The following HIBCH variants were observed in gnomAD, a reference collection of about 807,000 sequenced individuals.
HIBCH encodes 3-hydroxyisobutyryl-CoA hydrolase, mitochondrial.
In HIBCH, 50 loss-of-function variants were observed where a neutral mutation model predicts 58.2. That is an observed-to-expected ratio of 0.86 (90% CI 0.68 to 1.09). HIBCH has a LOEUF of 1.09. Ranked by LOEUF, HIBCH falls within the 50% of genes least tolerant of loss-of-function variation. The probability of loss-of-function intolerance (pLI) is 0.00; values close to 1 mark genes in which losing one functional copy is unlikely to be tolerated. For missense variants in HIBCH, 450 were observed against 449.7 expected, an observed-to-expected ratio of 1.00 and a Z score of -0.01; for synonymous variants, 151 against 146.9, an observed-to-expected ratio of 1.03 and a Z score of -0.20.
intron 3 of HIBCH, among the ~76,000 whole-genome samples, chr2:190,296,172 G>A (rs777659098): frequency 1.3e-5 from 2 of 152,088 alleles, no homozygotes; most frequent in Non-Finnish European, 2.9e-5. Context: ...TGTAATCCCA[G>A]CACTTTGGGA....
At chr2:190,219,063 C>T (rs1316138412) in intron 11 of HIBCH, among the ~76,000 whole-genome samples, 4 of 152,194 alleles carry the variant, frequency 2.6e-5, no homozygotes. Context: ...TGTTACCGTC[C>T]AACTGGACTG....
chr2:190,243,770 C>G lies in HIBCH; in HGVS notation c.891+1117G>C, dbSNP rs1227835673. Among the ~76,000 whole-genome samples, 6 of 152,074 alleles carry G rather than the reference C, an allele frequency of 3.9e-5. No individual in the cohort carries two copies. Among genetic ancestry groups the G allele is most frequent in the African/African-American group, 1.4e-4 (6 of 41,404 alleles). ...ATCACTTGAGCCTAGGAGGTCGAGA[C>G]CAGTCTGGCCAACATGGTGAAACCT... On this transcript the variant is annotated intron_variant, in intron 11 of 13. Coordinates refer to ENST00000359678, the MANE Select transcript of HIBCH (RefSeq NM_014362.4). The surrounding 1 kb of genome is among the most constrained non-coding windows in gnomAD (Gnocchi z 4.1).
chr2:190,267,398 T>C (rs1453593429), intron 6 of HIBCH, among the ~76,000 whole-genome samples: 3 of 152,238 alleles, frequency 2.0e-5, no homozygotes, highest in East Asian at 1.9e-4. Flanking sequence ...AGTTTCACCA[T>C]GTTGGTCAGG....
rs573255275 is a variant in HIBCH, at chr2:190,232,796, A to G, written c.891+12091T>C. 3.6e-3 allele frequency among the ~76,000 whole-genome samples: 549 copies of G among 152,120 alleles called. 2 individuals are homozygous for G. The highest frequency in any genetic ancestry group is 0.012 in the African/African-American group (511 of 41,470). ...ACATGGTGAAAACCCATCTCTACTA[A>G]AAGTACAAAAAATTAGCCAGGTGTG... On this transcript the variant is annotated intron_variant, in intron 11 of 13. Transcript: ENST00000359678.
At chr2:190,297,104 T>A in intron 2 of HIBCH, 151 bp from the exon 3 acceptor site, 1 of 731,600 alleles carries the variant, frequency 1.4e-6, no homozygotes, top group East Asian at 2.7e-5. Flanking sequence ...TCTGAAGTTA[T>A]TTAGATTATG....
rs1686918586 is a variant in HIBCH, at chr2:190,256,240, T to A, written c.518-3933A>T. Among the ~76,000 whole-genome samples, 2 of 151,918 alleles carry A rather than the reference T, an allele frequency of 1.3e-5. 1 individual carries two copies. The highest frequency in any genetic ancestry group is 4.8e-5 in the African/African-American group (2 of 41,338). ...CACAACGCCTAACCATATCACTACA[T>A]GAGACTAAGGAAAGAATCACAGAAA... is the stretch of plus-strand genomic sequence containing the variant. On this transcript the variant is annotated intron_variant, in intron 7 of 13. Transcript: ENST00000359678.
chr2:190,264,898 G>A lies in HIBCH; in HGVS notation c.439-3664C>T, dbSNP rs111781617. Among the ~76,000 whole-genome samples, 883 of 151,992 alleles carry A rather than the reference G, an allele frequency of 5.8e-3. 10 individuals are homozygous for A. Among genetic ancestry groups the A allele is most frequent in the African/African-American group, 0.02 (842 of 41,458 alleles). ...AGCACTTTGGGAGGCCGAGGTGGGC[G>A]GGTCACCTGAGATCAGGAGTTCGAG... On this transcript the variant is annotated intron_variant, in intron 6 of 13. Transcript: ENST00000359678.
intron 11 of HIBCH, among the ~76,000 whole-genome samples, chr2:190,222,270 G>T (rs1007375848): frequency 6.6e-6 from 1 of 152,194 alleles, no homozygotes; most frequent in African/African-American, 2.4e-5. Flanking sequence ...AGCAAATGGA[G>T]TCTGTCCCTG....
chr2:190,192,222 A>G (rs545149097), intron 1 of HIBCH, among the ~76,000 whole-genome samples: 2 of 151,972 alleles, frequency 1.3e-5, no homozygotes, highest in South Asian at 2.1e-4. Context: ...TCCTTTTTGC[A>G]TTCATTGTTT....
rs545034704 is a variant in HIBCH, at chr2:190,258,240, G to A, written c.517+2916C>T. 3.5e-4 allele frequency among the ~76,000 whole-genome samples: 54 copies of A among 152,224 alleles called. 1 individual carries two copies. The highest frequency in any genetic ancestry group is 3.1e-3 in the Admixed American group (48 of 15,286). ...TTGCTTCCCCTTCATCTTTGGCCAC[G>A]ACTGTAAATTTCTGGAGACCTCCCC... On this transcript the variant is annotated intron_variant, in intron 7 of 13. Transcript: ENST00000359678.
chr2:190,253,411 T>C (rs1390790501), intron 7 of HIBCH, among the ~76,000 whole-genome samples: 1 of 152,150 alleles, frequency 6.6e-6, no homozygotes, highest in African/African-American at 2.4e-5. Flanking sequence ...AGAAAAAGCA[T>C]CATGCTCCTG....
chr2:190,196,050 G>A (rs11683582), intron 1 of HIBCH, among the ~76,000 whole-genome samples: 3,132 of 131,062 alleles, frequency 0.024, 47 homozygotes, highest in Non-Finnish European at 0.03. Flanking sequence ...GATCATCTCT[G>A]CCTTTCAATT....
rs1690506851 is a variant in HIBCH, at chr2:190,211,215, T to G, written c.1011+1741A>C. Reference sequence around the variant, plus strand: ...TAAATAACGAATCCCCAAGGTTTTCTTAATTGCTGTTGGTGTCTTTCAGAT... The same window carrying G: ...TAAATAACGAATCCCCAAGGTTTTCGTAATTGCTGTTGGTGTCTTTCAGAT... On this transcript the variant is annotated intron_variant, in intron 12 of 13. Transcript: ENST00000359678. The surrounding 1 kb of genome is among the most constrained non-coding windows in gnomAD (Gnocchi z 5.0). Among the ~76,000 whole-genome samples, 1 of 152,228 alleles carries G rather than the reference T, an allele frequency of 6.6e-6. No individual in the cohort carries two copies. Among genetic ancestry groups the G allele is most frequent in the Non-Finnish European group, 1.5e-5 (1 of 68,044 alleles).
Position 190,219,215 on chromosome 2 carries a change from T to G in HIBCH, c.892-6140A>C, listed in dbSNP as rs187735678. Among the ~76,000 whole-genome samples, 152 of 152,130 alleles carry G rather than the reference T, an allele frequency of 1.0e-3. 1 individual carries two copies. Among genetic ancestry groups the G allele is most frequent in the Admixed American group, 7.4e-3 (113 of 15,284 alleles). Reference sequence around the variant, plus strand: ...CTTATATTAACTCAATAGAAGTCCCTAAAGGAGGACCTAATAAATTTAAGA... The same window carrying G: ...CTTATATTAACTCAATAGAAGTCCCGAAAGGAGGACCTAATAAATTTAAGA... On this transcript the variant is annotated intron_variant, in intron 11 of 13. Transcript: ENST00000359678.
rs1687642217 is a variant in HIBCH at position 190,279,311 on chromosome 2, G to C, written c.438+8275C>G. ...GGATTAAGTTTCAACATGAGTTTCG[G>C]TGGGGACAAATATTCAAACCGTAGC... is the stretch of plus-strand genomic sequence containing the variant. On this transcript the variant is annotated intron_variant, in intron 6 of 13. Coordinates refer to ENST00000359678, the MANE Select transcript of HIBCH (RefSeq NM_014362.4). The surrounding 1 kb of genome is among the most constrained non-coding windows in gnomAD (Gnocchi z 4.2). Among the ~76,000 whole-genome samples the C allele has an allele frequency of 6.6e-6, 1 of 152,114 alleles. No homozygotes were observed. The highest frequency in any genetic ancestry group is 2.1e-4 in the South Asian group (1 of 4,822).
intron 11 of HIBCH, among the ~76,000 whole-genome samples, chr2:190,228,775 T>TC (rs1325225447): frequency 6.6e-6 from 1 of 152,184 alleles, no homozygotes; most frequent in African/African-American, 2.4e-5. Flanking sequence ...ATCAGTTGTC[T>TC]CCTATTGTCA....
At position 190,210,085 on chromosome 2, in the gene HIBCH, CTTCAT is replaced by C. The variant is rs1277869580; in HGVS notation, c.1012-1177_1012-1173del. 1.3e-5 allele frequency among the ~76,000 whole-genome samples: 2 copies of C among 152,238 alleles called. No individual in the cohort carries two copies. The highest frequency in any genetic ancestry group is 3.9e-4 in the East Asian group (2 of 5,180). On this transcript the variant is annotated intron_variant, in intron 12 of 13. Transcript: ENST00000359678. The surrounding 1 kb of genome is among the most constrained non-coding windows in gnomAD (Gnocchi z 5.5). ...TCCATCTTACAAAATAAAAAAGGAA[CTTCAT>C]TTGATTCCACAGTCCCAGCTTCTAT...
chr2:190,208,530 A>C (rs1455477847), intron 13 of HIBCH: 1 of 332,302 alleles, frequency 3.0e-6, no homozygotes, highest in African/African-American at 2.2e-5. Flanking sequence ...TCCTTTTCAT[A>C]TCCCAGATGG....
chr2:190,311,179 T>C (rs1293699775), intron 1 of HIBCH, among the ~76,000 whole-genome samples: 1 of 152,114 alleles, frequency 6.6e-6, no homozygotes, highest in African/African-American at 2.4e-5. Context: ...AAGAAGCCAG[T>C]CTGAAAAGGC....
Sources: gnomAD v4.1 joint callset for allele counts (sites outside exome capture counted in the v4.1 genomes callset) on GRCh38, gnomAD v4.1.1 for gene constraint, Gnocchi (gnomAD v3.1) non-coding constraint, MANE v1.5 for transcripts, NCBI Gene and HGNC (gene_info 2026-07-23, HGNC 2026-07-21) for gene names.